The following NLGN2 variants were observed in gnomAD, a reference collection of about 807,000 sequenced individuals.
The protein encoded by NLGN2 is neuroligin-2.
In NLGN2, 11 loss-of-function variants were observed where a neutral mutation model predicts 48.6. The ratio of observed to expected loss-of-function variants is 0.23; its 90% CI spans 0.14 to 0.37. The LOEUF (loss-of-function observed/expected upper bound fraction) is 0.37. NLGN2 is among the 10% of genes least tolerant of loss of function. NLGN2 has a pLI of 1.00. For missense variants in NLGN2, 801 were observed against 1,225.2 expected, an observed-to-expected ratio of 0.65 and a Z score of 5.17; for synonymous variants, 548 against 550.0, an observed-to-expected ratio of 1.00 and a Z score of 0.05.
intron 2 of NLGN2, 60 bp downstream of exon 2, chr17:7,412,267 G>GC: frequency 2.3e-6 from 3 of 1,313,708 alleles, no homozygotes; most frequent in Middle Eastern, 2.1e-4. Context: ...TCATGGCCCT[G>GC]CCCCTCACTA....
In NLGN2 at chr17:7,408,348, G is replaced by C; in HGVS notation, c.93G>C (p.Leu31=). The C allele has an allele frequency of 1.4e-6, 2 of 1,479,250 alleles. No homozygotes were observed. The highest frequency in any genetic ancestry group is 1.8e-6 in the Non-Finnish European group (2 of 1,117,742). The allele number at this position is 1,479,250 out of a possible 1,614,324, so 91.6% of individuals were successfully genotyped here. A position where few individuals can be genotyped will look rare whatever the true frequency, so the allele number is the denominator to read the frequency against. The change falls in exon 1 of 7, where the codon CTG becomes CTC. Residue 31 remains leucine, a synonymous_variant. Transcript: ENST00000302926. This position sits in a 1 kb window ranked among gnomAD's most constrained non-coding sequence, Gnocchi z 7.5. ...PGGGAPGGPG[L]GLGSLGEERF... is the part of the protein sequence containing the mutation. ...GCGGCGCCCCGGGCGGCCCCGGCCT[G>C]GGCCTCGGCAGCCTCGGCGAGGAGC... is the stretch of plus-strand genomic sequence containing the variant.
intron 1 of NLGN2, among the ~76,000 whole-genome samples, chr17:7,409,567 C>T (rs148248483): frequency 4.7e-4 from 72 of 152,076 alleles, no homozygotes; most frequent in African/African-American, 1.6e-3. Flanking sequence ...CCCTGCACCC[C>T]GCATGGCTCT....
intron 1 of NLGN2, among the ~76,000 whole-genome samples, chr17:7,410,494 T>C (rs1906838124): frequency 1.3e-5 from 2 of 151,924 alleles, no homozygotes; most frequent in South Asian, 2.1e-4. Context: ...TGCCCCATCA[T>C]GAGTCCTTCA....
chr17:7,415,452 G>T lies in NLGN2; in HGVS notation c.1038-59G>T. ...AAGCATCTGCGTGTGGGCTTAGCAGGCCACAGGCCAAGAGGAGGCCAGTGA... is the reference window on the plus strand; with the variant it reads ...AAGCATCTGCGTGTGGGCTTAGCAGTCCACAGGCCAAGAGGAGGCCAGTGA... On this transcript the variant is annotated intron_variant, in intron 5 of 6. Transcript: ENST00000302926. 3 of 1,470,580 alleles carry T rather than the reference G, an allele frequency of 2.0e-6. No individual in the cohort carries two copies. In the South Asian group the frequency reaches 3.4e-5, roughly 17 times the overall value. 91.1% of individuals were successfully genotyped at this position (1,470,580 alleles called of 1,614,324 possible).
In NLGN2 at chr17:7,419,847, A is replaced by G. The variant is rs1907316273; in HGVS notation, c.*2048A>G. On this transcript the variant is annotated 3_prime_UTR_variant, in exon 7 of 7. Coordinates refer to ENST00000302926, the MANE Select transcript of NLGN2 (RefSeq NM_020795.4). Reference sequence around the variant, plus strand: ...AGATGAAGAGAATATTGTAAATATAAAAGTTTAACTGTTGGTTGTGCCTGC... The same window carrying G: ...AGATGAAGAGAATATTGTAAATATAGAAGTTTAACTGTTGGTTGTGCCTGC... 6.6e-6 allele frequency: 1 copy of G among 152,668 alleles called. No individual in the cohort carries two copies. The highest frequency in any genetic ancestry group is 2.1e-4 in the South Asian group (1 of 4,846). 9.5% of individuals were successfully genotyped at this position (152,668 alleles called of 1,614,324 possible).
At chr17:7,416,486 T>A (rs1907107710) in intron 6 of NLGN2, among the ~76,000 whole-genome samples, 1 of 152,152 alleles carries the variant, frequency 6.6e-6, no homozygotes, top group African/African-American at 2.4e-5. Flanking sequence ...GAAAATCCAC[T>A]GACAGCTCTC....
intron 1 of NLGN2, among the ~76,000 whole-genome samples, chr17:7,410,288 C>T (rs1281057975): frequency 6.6e-6 from 1 of 151,604 alleles, no homozygotes; most frequent in African/African-American, 2.4e-5. Flanking sequence ...AGCCATACCC[C>T]TCTCCATATA....
chr17:7,411,454 A>G lies in NLGN2; in HGVS notation c.458-703A>G, dbSNP rs1294856789. ...TGAGAAGCCAGGCCTGTGAGTGTGG[A>G]TAGACGAGAAGTGCTGGTGGTGAGG... On this transcript the variant is annotated intron_variant, in intron 1 of 6. Transcript: ENST00000302926. This position sits in a 1 kb window ranked among gnomAD's most constrained non-coding sequence, Gnocchi z 4.5. Among the ~76,000 whole-genome samples, 1 of 152,164 alleles carries G rather than the reference A, an allele frequency of 6.6e-6. No homozygotes were observed. The highest frequency in any genetic ancestry group is 1.5e-5 in the Non-Finnish European group (1 of 68,016).
chr17:7,415,569 A>G lies in NLGN2; in HGVS notation c.1096A>G (p.Ile366Val), dbSNP rs1315006758. The G allele has an allele frequency of 1.2e-6, 2 of 1,614,050 alleles. No homozygotes were observed. Among genetic ancestry groups the G allele is most frequent in the African/African-American group, 1.3e-5 (1 of 74,924 alleles). Residue 366 changes from isoleucine to valine, a missense_variant, in exon 6 of 7, where the codon ATC becomes GTC. Physicochemically the swap from Ile to Val is conservative, Grantham distance 29. Around this residue, in one of 5 missense-constraint regions of NLGN2, gnomAD observed 303 missense variants for 600.1 expected, o/e 0.50. Coordinates refer to ENST00000302926, the MANE Select transcript of NLGN2 (RefSeq NM_020795.4). ...DGDVVPDDPE[I>V]LMQQGEFLNY... ...CGACGTGGTCCCCGATGACCCTGAGATCCTCATGCAGCAGGGAGAATTCCT... is the reference window on the plus strand; with the variant it reads ...CGACGTGGTCCCCGATGACCCTGAGGTCCTCATGCAGCAGGGAGAATTCCT...
At chr17:7,406,149 A>G (rs1044925478), upstream of NLGN2, among the ~76,000 whole-genome samples, 11 of 152,118 alleles carry the variant, frequency 7.2e-5, no homozygotes, top group Admixed American at 7.2e-4. Context: ...AAGGAGAGAG[A>G]TACAGAAGAG....
In NLGN2 at chr17:7,415,135, G is replaced by C. The variant is rs1284317739; in HGVS notation, c.1024G>C (p.Val342Leu). 6.2e-7 allele frequency: 1 copy of C among 1,600,100 alleles called. No individual in the cohort carries two copies. Among genetic ancestry groups the C allele is most frequent in the Non-Finnish European group, 8.5e-7 (1 of 1,172,800 alleles). Reference sequence around the variant, plus strand: ...CTCCCGGGAGCTGGTGGACCAGGACGTGCAGCCTGCCCGGTATGGGGTGGG... The same window carrying C: ...CTCCCGGGAGCTGGTGGACCAGGACCTGCAGCCTGCCCGGTATGGGGTGGG... ...KPSRELVDQDVQPARYHIAFG... is the reference protein window; with the variant it reads ...KPSRELVDQDLQPARYHIAFG... Residue 342 changes from valine (V) to leucine (L), a missense_variant, in exon 5 of 7, where the codon GTG becomes CTG. Transcript: ENST00000302926.
rs1269391395 is a variant in NLGN2, at chr17:7,408,424, G to T, written c.169G>T (p.Glu57Ter). Reference protein sequence around the residue: ...AYGRVRGVRRELNNEILGPVV... With the variant: ...AYGRVRGVRR ...CGGGCGAGTGCGCGGTGTGCGGCGC[G>T]AGCTCAACAACGAGATCCTGGGCCC... The change falls in exon 1 of 7, where the codon GAG (glutamate) becomes TAG (stop). Residue 57 changes from glutamate (E) to a stop codon, truncating the protein, a stop_gained. Coordinates refer to ENST00000302926, the MANE Select transcript of NLGN2 (RefSeq NM_020795.4). LOFTEE classifies it high-confidence loss of function. The surrounding 1 kb of genome is among the most constrained non-coding windows in gnomAD (Gnocchi z 7.5). 2 of 1,569,400 alleles carry T rather than the reference G, an allele frequency of 1.3e-6. No homozygotes were observed. Among genetic ancestry groups the T allele is most frequent in the Non-Finnish European group, 8.6e-7 (1 of 1,161,896 alleles).
chr17:7,417,589 G>C lies in NLGN2; in HGVS notation c.2298G>C (p.Pro766=). The C allele has an allele frequency of 7.0e-7, 1 of 1,431,466 alleles. No homozygotes were observed. Among genetic ancestry groups the C allele is most frequent in the East Asian group, 2.7e-5 (1 of 36,938 alleles). The allele number at this position is 1,431,466 out of a possible 1,614,324, so 88.7% of individuals were successfully genotyped here. The change falls in exon 7 of 7, where the codon CCG becomes CCC. Residue 766 remains proline, a synonymous_variant. Transcript: ENST00000302926. ...DPAEALRPAC[P]PDYTLALRRA... ...CCGAGGCTCTGCGCCCTGCCTGCCCGCCCGACTACACCCTGGCCCTGCGCC... is the reference window on the plus strand; with the variant it reads ...CCGAGGCTCTGCGCCCTGCCTGCCCCCCCGACTACACCCTGGCCCTGCGCC...
rs1446189123 is a variant in NLGN2, at chr17:7,415,918, C to G, written c.1445C>G (p.Thr482Ser). ...TACCAGTCTCCCGTCTACTTTTACACCTTCTACCACCACTGCCAGGCGGAG... is the reference window on the plus strand; with the variant it reads ...TACCAGTCTCCCGTCTACTTTTACAGCTTCTACCACCACTGCCAGGCGGAG... ...ADYQSPVYFY[T>S]FYHHCQAEGR... Residue 482 changes from threonine to serine, a missense_variant, in exon 6 of 7, where the codon ACC becomes AGC. Physicochemically the swap from Thr to Ser is moderately conservative, Grantham distance 58 (BLOSUM62 1). Coordinates refer to ENST00000302926, the MANE Select transcript of NLGN2 (RefSeq NM_020795.4). 2 of 1,613,428 alleles carry G rather than the reference C, an allele frequency of 1.2e-6. No homozygotes were observed. The highest frequency in any genetic ancestry group is 1.7e-6 in the Non-Finnish European group (2 of 1,179,570).
intron 1 of NLGN2, among the ~76,000 whole-genome samples, chr17:7,409,389 A>ACT (rs1442910816): frequency 6.6e-6 from 1 of 151,410 alleles, no homozygotes; most frequent in African/African-American, 2.4e-5. Flanking sequence ...TTCTTAATGA[A>ACT]CTCTTGTTCA....
Position 7,417,190 on chromosome 17 carries a change from C to G in NLGN2, c.1899C>G (p.Pro633=). ...PPYATRWPPR[P]PAGAPGTRRP... The stretch of plus-strand genomic sequence containing the variant: ...ACGCCACGCGCTGGCCGCCTCGTCC[C>G]CCCGCTGGCGCCCCGGGCACACGCC... Residue 633 remains proline, a synonymous_variant, in exon 7 of 7, where the codon CCC becomes CCG. Coordinates refer to ENST00000302926, the MANE Select transcript of NLGN2 (RefSeq NM_020795.4). 6 of 1,566,794 alleles carry G rather than the reference C, an allele frequency of 3.8e-6. No homozygotes were observed. Among genetic ancestry groups the G allele is most frequent in the Non-Finnish European group, 5.2e-6 (6 of 1,159,084 alleles).
chr17:7,408,320 G>GCGC lies in NLGN2; in HGVS notation c.67_68insCCG (p.Gly22_Gly23insAla), dbSNP rs1404780585. ...GCTCAACGCGGGGGAGGGGGTCCCGGCGGCGGCGCCCCGGGCGGCCCCGGC... is the reference window on the plus strand; with the variant it reads ...GCTCAACGCGGGGGAGGGGGTCCCGGCGCCGGCGGCGCCCCGGGCGGCCCCGGC... On this transcript the variant is annotated inframe_insertion, in exon 1 of 7. Transcript: ENST00000302926. This position sits in a 1 kb window ranked among gnomAD's most constrained non-coding sequence, Gnocchi z 7.5. 1.6e-5 allele frequency: 22 copies of GCGC among 1,394,636 alleles called. No homozygotes were observed. Among genetic ancestry groups the GCGC allele is most frequent in the Non-Finnish European group, 2.0e-5 (22 of 1,083,968 alleles). 86.4% of individuals were successfully genotyped at this position (1,394,636 alleles called of 1,614,324 possible). A position where few individuals can be genotyped will look rare whatever the true frequency, so the allele number is the denominator to read the frequency against.
chr17:7,414,710 C>A lies in NLGN2; in HGVS notation c.706C>A (p.Leu236Met). 1.9e-6 allele frequency: 3 copies of A among 1,614,222 alleles called. No individual in the cohort carries two copies. The highest frequency in any genetic ancestry group is 2.7e-5 in the African/African-American group (2 of 75,054). ...DQAAKGNYGL[L>M]DQIQALRWLS... is the part of the protein sequence containing the mutation. The stretch of plus-strand genomic sequence containing the variant: ...GGCTGCAAAAGGCAACTATGGGCTC[C>A]TGGACCAGATCCAGGCCCTGCGCTG... The change falls in exon 4 of 7, where the codon CTG (leucine) becomes ATG (methionine). Residue 236 changes from leucine (L) to methionine (M), a missense_variant. Transcript: ENST00000302926.
At position 7,417,831 on chromosome 17, in the gene NLGN2, C is replaced by A; in HGVS notation, c.*32C>A. ...GGTGGGGAGGCCCTCCTCCCCGGCCCTCCCTGGCCCGGCCACTCCGAAGGC... is the reference window on the plus strand; with the variant it reads ...GGTGGGGAGGCCCTCCTCCCCGGCCATCCCTGGCCCGGCCACTCCGAAGGC... On this transcript the variant is annotated 3_prime_UTR_variant, in exon 7 of 7. Transcript: ENST00000302926. 4.4e-6 allele frequency: 6 copies of A among 1,353,880 alleles called. No homozygotes were observed. Among genetic ancestry groups the A allele is most frequent in the Non-Finnish European group, 5.7e-6 (6 of 1,061,708 alleles). 83.9% of individuals were successfully genotyped at this position (1,353,880 alleles called of 1,614,324 possible). A position where few individuals can be genotyped will look rare whatever the true frequency, so the allele number is the denominator to read the frequency against.
Sources: allele counts gnomAD v4.1 joint callset (sites outside exome capture counted in the v4.1 genomes callset), GRCh38; gene constraint gnomAD v4.1.1; regional missense constraint gnomAD v4.1.1; non-coding constraint Gnocchi (gnomAD v3.1); transcripts MANE v1.5; gene names NCBI Gene and HGNC (gene_info 2026-07-23, HGNC 2026-07-21).